Variants in ZCCHC7 observed in about 807,000 individuals in gnomAD.
ZCCHC7 encodes the protein zinc finger CCHC-type containing 7.
In ZCCHC7, 35 loss-of-function variants were observed where a neutral mutation model predicts 52.0. That is an observed-to-expected ratio of 0.67 (90% confidence interval 0.51 to 0.89). The LOEUF (loss-of-function observed/expected upper bound fraction) is 0.89, where lower values mean the gene tolerates loss of function less well. Among genes scored for constraint, ZCCHC7 ranks in the 40% least tolerant of loss-of-function variants. ZCCHC7 has a pLI of 0.00. For synonymous variants in ZCCHC7, 217 were observed against 221.5 expected (o/e 0.98, Z 0.18); for missense variants, 574 against 649.1 (o/e 0.88, Z 1.26).
At chr9:37,330,969 A>G (rs1345404421) in intron 6 of ZCCHC7, among the ~76,000 whole-genome samples, 16 of 151,736 alleles carry the variant, frequency 1.1e-4, no homozygotes, top group Non-Finnish European at 1.8e-4. Flanking sequence ...AAAAGTAACC[A>G]GGAGTTTGCT....
intron 2 of ZCCHC7, among the ~76,000 whole-genome samples, chr9:37,270,347 G>A (rs1827343127): frequency 6.6e-6 from 1 of 152,068 alleles, no homozygotes; most frequent in African/African-American, 2.4e-5. Flanking sequence ...GCATTTTCGT[G>A]TGAAAAGACT....
intron 2 of ZCCHC7, among the ~76,000 whole-genome samples, chr9:37,245,932 G>A (rs745707994): frequency 1.3e-5 from 2 of 152,058 alleles, no homozygotes; most frequent in Non-Finnish European, 2.9e-5. Context: ...TGAGACATTA[G>A]TCTGGATTGG....
chr9:37,307,418 G>A (rs767149817), intron 5 of ZCCHC7, among the ~76,000 whole-genome samples: 2 of 152,014 alleles, frequency 1.3e-5, no homozygotes, highest in Non-Finnish European at 2.9e-5. Context: ...CAGCTAATCA[G>A]TACAAAGTCA....
intron 2 of ZCCHC7, among the ~76,000 whole-genome samples, chr9:37,250,545 G>T (rs985791865): frequency 6.6e-6 from 1 of 152,018 alleles, no homozygotes; most frequent in Admixed American, 6.6e-5. Flanking sequence ...CAGGTGATCC[G>T]TCTGCCTCTG....
intron 2 of ZCCHC7, among the ~76,000 whole-genome samples, chr9:37,233,842 GT>G (rs1377841944): frequency 6.6e-6 from 1 of 152,010 alleles, no homozygotes; most frequent in Non-Finnish European, 1.5e-5. Context: ...ATTAGAGGGT[GT>G]TTTTTGGTGG....
intron 2 of ZCCHC7, 92 bp from the exon 3 acceptor site, chr9:37,302,096 C>G: frequency 9.7e-7 from 1 of 1,027,294 alleles, no homozygotes; most frequent in South Asian, 1.4e-5. Flanking sequence ...CTTTGGGGTC[C>G]AATTTGAGTA....
intron 6 of ZCCHC7, among the ~76,000 whole-genome samples, chr9:37,336,965 C>T (rs1830695780): frequency 6.6e-6 from 1 of 152,054 alleles, no homozygotes; most frequent in Admixed American, 6.6e-5. Context: ...GTCACCGATC[C>T]CGCATGCTAT....
At chr9:37,276,078 G>A (rs1297733291) in intron 2 of ZCCHC7, among the ~76,000 whole-genome samples, 1 of 152,142 alleles carries the variant, frequency 6.6e-6, no homozygotes, top group African/African-American at 2.4e-5. Flanking sequence ...TTTGGTAGGG[G>A]GATAGTAGTA....
chr9:37,244,932 G>T (rs1826021335), intron 2 of ZCCHC7, among the ~76,000 whole-genome samples: 1 of 151,884 alleles, frequency 6.6e-6, no homozygotes. Context: ...TGGAAGAAAA[G>T]TTGTCTGTAA....
intron 2 of ZCCHC7, among the ~76,000 whole-genome samples, chr9:37,272,481 A>T (rs138594632): frequency 1.3e-5 from 2 of 148,706 alleles, no homozygotes; most frequent in Non-Finnish European, 3.0e-5. Flanking sequence ...CATGTTTCAA[A>T]GCTGTGTGGT....
intron 2 of ZCCHC7, among the ~76,000 whole-genome samples, chr9:37,231,473 A>T (rs1002531440): frequency 3.9e-5 from 6 of 152,046 alleles, no homozygotes; most frequent in African/African-American, 1.4e-4. Context: ...TTTGTGTTTT[A>T]TATTTGTTCC....
In ZCCHC7 at chr9:37,145,447, G is replaced by A. The variant is rs184677084; in HGVS notation, c.610+18505G>A. ...AGTTTGCTGTGAATATGTAATTATC[G>A]TTCAGAAGGGGCACATACCAAAAAG... On this transcript the variant is annotated intron_variant, in intron 2 of 8. Coordinates refer to ENST00000336755, the MANE Select transcript of ZCCHC7 (RefSeq NM_032226.3). 1.4e-4 allele frequency among the ~76,000 whole-genome samples: 21 copies of A among 151,702 alleles called. 1 individual carries two copies. In the East Asian group the frequency reaches 3.9e-3, roughly 28 times the overall value.
At chr9:37,197,353 A>T (rs1175143563) in intron 2 of ZCCHC7, among the ~76,000 whole-genome samples, 3 of 152,216 alleles carry the variant, frequency 2.0e-5, no homozygotes, top group Non-Finnish European at 4.4e-5. Context: ...TAATATAAAC[A>T]TGCTATGCAT....
In ZCCHC7 at chr9:37,199,694, GTCTGTCTTTCTTTCTGTCTT is replaced by G. The variant is rs1564174222; in HGVS notation, c.610+72756_610+72775del. Among the ~76,000 whole-genome samples the G allele has an allele frequency of 1.4e-4, 10 of 71,240 alleles. No homozygotes were observed. In the South Asian group the frequency reaches 1.9e-3, roughly 13 times the overall value. 46.7% of individuals were successfully genotyped at this position (71,240 alleles called of 152,430 possible). On this transcript the variant is annotated intron_variant, in intron 2 of 8. Transcript: ENST00000336755. Reference sequence around the variant, plus strand: ...TTTCTCTCTGTCTGTCTGTCTTTCTGTCTGTCTTTCTTTCTGTCTTTCTTTCTTTCTTTCTCCTTTTCTCT... The same window carrying G: ...TTTCTCTCTGTCTGTCTGTCTTTCTGTCTTTCTTTCTTTCTCCTTTTCTCT...
chr9:37,127,053 G>A (rs1842571257), intron 2 of ZCCHC7, 111 bp downstream of exon 2: 1 of 1,388,584 alleles, frequency 7.2e-7, no homozygotes. Context: ...TCACTTTTTG[G>A]TCTTGTTTTT....
At chr9:37,274,577 G>A (rs1827594426) in intron 2 of ZCCHC7, among the ~76,000 whole-genome samples, 1 of 151,894 alleles carries the variant, frequency 6.6e-6, no homozygotes, top group Non-Finnish European at 1.5e-5. Context: ...GACCTCAAGT[G>A]ATCTGCCTGC....
intron 6 of ZCCHC7, among the ~76,000 whole-genome samples, chr9:37,330,550 G>T (rs1041082453): frequency 6.6e-6 from 1 of 151,004 alleles, no homozygotes; most frequent in Admixed American, 6.6e-5. Context: ...ATGAAAAAAA[G>T]AAAAAAATAT....
chr9:37,357,425 G>A lies in ZCCHC7; in HGVS notation c.*157G>A, dbSNP rs79347067. The A allele has an allele frequency of 0.018, 10,728 of 604,776 alleles. 837 individuals carry two copies. Among genetic ancestry groups the A allele is most frequent in the African/African-American group, 0.17 (9,282 of 53,088 alleles). The allele number at this position is 604,776 out of a possible 1,614,324, so 37.5% of individuals were successfully genotyped here. On this transcript the variant is annotated 3_prime_UTR_variant, in exon 9 of 9. Coordinates refer to ENST00000336755, the MANE Select transcript of ZCCHC7 (RefSeq NM_032226.3). Reference sequence around the variant, plus strand: ...TTCCTAGAGTTACTGAATATCCATGGAGATCTCAATTCTCTGTGTCCAACA... The same window carrying A: ...TTCCTAGAGTTACTGAATATCCATGAAGATCTCAATTCTCTGTGTCCAACA...
At chr9:37,186,938 A>G (rs910575686) in intron 2 of ZCCHC7, 5 of 308,568 alleles carry the variant, frequency 1.6e-5, no homozygotes, top group African/African-American at 1.1e-4. Flanking sequence ...TTAAAAGGCA[A>G]GTGTATTTTT....
Sources: gnomAD v4.1 joint callset for allele counts (sites outside exome capture counted in the v4.1 genomes callset) on GRCh38, gnomAD v4.1.1 for gene constraint, MANE v1.5 for transcripts, NCBI Gene and HGNC (gene_info 2026-07-23, HGNC 2026-07-21) for gene names.